Variants in CA10 observed in about 807,000 individuals in gnomAD.
The protein encoded by CA10 is carbonic anhydrase-related protein 10.
CA10 carries 14 observed loss-of-function variants against 44.2 expected under a neutral mutation model. That is an observed-to-expected ratio of 0.32 (90% CI 0.21 to 0.50). CA10 has a LOEUF of 0.50. CA10 is among the 20% of genes least tolerant of loss of function. The pLI, the probability that CA10 is intolerant of heterozygous loss-of-function variation, is 0.99. For synonymous variants in CA10, 159 were observed against 141.6 expected (o/e 1.12, Z -0.87); for missense variants, 350 against 409.7 (o/e 0.85, Z 1.26).
chr17:51,722,962 A>G (rs543911211), intron 4 of CA10, among the ~76,000 whole-genome samples: 1 of 152,294 alleles, frequency 6.6e-6, no homozygotes. Context: ...TCTTCATAGC[A>G]AATCTAGGGT....
intron 3 of CA10, among the ~76,000 whole-genome samples, chr17:51,885,050 T>C (rs1198881707): frequency 6.6e-6 from 1 of 152,198 alleles, no homozygotes; most frequent in African/African-American, 2.4e-5. Context: ...TGAAATCACA[T>C]TCACAAGTAT....
chr17:51,845,150 T>C (rs1205611666), intron 3 of CA10, among the ~76,000 whole-genome samples: 2 of 152,204 alleles, frequency 1.3e-5, no homozygotes, highest in Non-Finnish European at 2.9e-5. Context: ...ACATCTTGAT[T>C]TTGAATGTTT....
At chr17:52,054,988 A>G (rs1159705846) in intron 2 of CA10, among the ~76,000 whole-genome samples, 2 of 152,124 alleles carry the variant, frequency 1.3e-5, no homozygotes, top group Non-Finnish European at 2.9e-5. Context: ...TAGCATTTAC[A>G]GATCAGGAAA....
At chr17:51,777,351 G>A (rs941758237) in intron 3 of CA10, among the ~76,000 whole-genome samples, 10 of 152,248 alleles carry the variant, frequency 6.6e-5, no homozygotes, top group East Asian at 3.9e-4. Context: ...TAAAAACAAC[G>A]TATTTCACTT....
intron 3 of CA10, among the ~76,000 whole-genome samples, chr17:51,813,978 A>T (rs1907472097): frequency 6.6e-6 from 1 of 152,176 alleles, no homozygotes; most frequent in Non-Finnish European, 1.5e-5. Flanking sequence ...TGCTACAGTC[A>T]AAATCATAAC....
chr17:51,738,625 C>G (rs919965086), intron 4 of CA10, among the ~76,000 whole-genome samples: 1 of 152,150 alleles, frequency 6.6e-6, no homozygotes, highest in Non-Finnish European at 1.5e-5. Context: ...TTGGTGATTT[C>G]TAGATCCACT....
At chr17:52,134,530 T>G (rs575537012) in intron 1 of CA10, among the ~76,000 whole-genome samples, 1 of 152,294 alleles carries the variant, frequency 6.6e-6, no homozygotes, top group East Asian at 1.9e-4. Flanking sequence ...AAGGCTATTG[T>G]AAAGTTTAAA....
intron 3 of CA10, among the ~76,000 whole-genome samples, chr17:51,758,878 C>G (rs1299527013): frequency 6.6e-6 from 1 of 152,164 alleles, no homozygotes; most frequent in African/African-American, 2.4e-5. Flanking sequence ...GAGGGTGGTG[C>G]CACATGCTCA....
At chr17:51,917,360 GCT>G (rs1982045950) in intron 3 of CA10, among the ~76,000 whole-genome samples, 3 of 152,202 alleles carry the variant, frequency 2.0e-5, no homozygotes, top group African/African-American at 4.8e-5. Context: ...GGTACTGAAG[GCT>G]GCCTCCCTAG....
Position 51,695,133 on chromosome 17 carries a change from A to G in CA10, c.466-41397T>C, listed in dbSNP as rs145141230. Among the ~76,000 whole-genome samples the G allele has an allele frequency of 2.9e-3, 438 of 152,100 alleles. 5 individuals carry two copies. Among genetic ancestry groups the G allele is most frequent in the Middle Eastern group, 0.02 (6 of 294 alleles). On this transcript the variant is annotated intron_variant, in intron 4 of 8. Transcript: ENST00000451037. ...CTTTTTGCTTAGGATTGCTTTGGCT[A>G]CTCATGTTCTTTTTTGGTTCCATAT...
intron 3 of CA10, among the ~76,000 whole-genome samples, chr17:51,794,515 C>G (rs1335794987): frequency 2.0e-5 from 3 of 152,186 alleles, no homozygotes; most frequent in African/African-American, 7.2e-5. Flanking sequence ...TCCTAGTCAA[C>G]TAGGGTTCTA....
chr17:51,941,397 A>G (rs1055652722), intron 2 of CA10, among the ~76,000 whole-genome samples: 9 of 152,310 alleles, frequency 5.9e-5, no homozygotes, highest in African/African-American at 1.9e-4. Context: ...TTAGTCTAAC[A>G]GTTGTATTAA....
At chr17:52,078,793 A>G (rs1271981560) in intron 1 of CA10, among the ~76,000 whole-genome samples, 1 of 152,194 alleles carries the variant, frequency 6.6e-6, no homozygotes, top group Non-Finnish European at 1.5e-5. Context: ...GGCACTCACT[A>G]GACTAACGGG....
At position 51,743,225 on chromosome 17, in the gene CA10, A is replaced by C. The variant is rs7223213; in HGVS notation, c.465+4408T>G. On this transcript the variant is annotated intron_variant, in intron 4 of 8. Coordinates refer to ENST00000451037, the MANE Select transcript of CA10 (RefSeq NM_020178.5). ...GAACTTGTCTAATGTATCCCAAATC[A>C]GGAAGATTCTTCTTGTCCAGCCCCC... 9.9e-3 allele frequency among the ~76,000 whole-genome samples: 1,502 copies of C among 152,352 alleles called. 34 individuals carry two copies. Among genetic ancestry groups the C allele is most frequent in the African/African-American group, 0.034 (1,427 of 41,584 alleles).
At chr17:51,747,888 G>A in intron 3 of CA10, 70 bp from the exon 4 acceptor site, 1 of 1,232,046 alleles carries the variant, frequency 8.1e-7, no homozygotes, top group Non-Finnish European at 1.2e-6. Flanking sequence ...CCAGCATGGT[G>A]CTTGGATCAA....
chr17:52,111,909 A>G (rs1047649172), intron 1 of CA10, among the ~76,000 whole-genome samples: 8 of 152,090 alleles, frequency 5.3e-5, no homozygotes, highest in African/African-American at 1.7e-4. Flanking sequence ...CTTTTATCTA[A>G]TACTCTCTCT....
At chr17:51,672,117 A>G (rs190659472) in intron 4 of CA10, among the ~76,000 whole-genome samples, 1 of 152,342 alleles carries the variant, frequency 6.6e-6, no homozygotes, top group African/African-American at 2.4e-5. Flanking sequence ...TAAAACACCT[A>G]GTATCCACCA....
intron 2 of CA10, among the ~76,000 whole-genome samples, chr17:52,069,386 C>A (rs145966181): frequency 5.3e-5 from 8 of 152,036 alleles, no homozygotes; most frequent in African/African-American, 1.9e-4. Context: ...GTATGGAGGG[C>A]GAATGTGCAA....
chr17:52,107,282 A>C (rs1244139209), intron 1 of CA10, among the ~76,000 whole-genome samples: 1 of 152,188 alleles, frequency 6.6e-6, no homozygotes, highest in Non-Finnish European at 1.5e-5. Flanking sequence ...TAAAGTGAAT[A>C]AGGAGGGTAT....
Sources: gnomAD v4.1 joint callset for allele counts (sites outside exome capture counted in the v4.1 genomes callset) on GRCh38, gnomAD v4.1.1 for gene constraint, MANE v1.5 for transcripts, NCBI Gene and HGNC (gene_info 2026-07-23, HGNC 2026-07-21) for gene names.